Variants in OTOF observed in about 807,000 individuals in gnomAD.
OTOF encodes fer-1-like family member 2.
A neutral mutation model predicts 236.8 loss-of-function variants in OTOF; 218 were observed. That is an observed-to-expected ratio of 0.92 (90% CI 0.82 to 1.03). The LOEUF is 1.03. Ranked by LOEUF, OTOF falls within the 50% of genes least tolerant of loss-of-function variation. The pLI is 0.00. For missense variants in OTOF, 2,590 were observed against 2,694.4 expected (o/e 0.96, Z 0.86); for synonymous variants, 1,041 against 1,072.5 (o/e 0.97, Z 0.57).
intron 1 of OTOF, among the ~76,000 whole-genome samples, chr2:26,546,098 T>C (rs937395212): frequency 2.0e-5 from 3 of 152,164 alleles, no homozygotes. Context: ...ATTTTGTATA[T>C]GTATTATGTA....
In OTOF at chr2:26,464,038, C is replaced by T. The variant is rs372908847; in HGVS notation, c.5029G>A (p.Ala1677Thr). 4.3e-5 allele frequency: 70 copies of T among 1,613,696 alleles called. No homozygotes were observed. The African/African-American group carries it at 6.1e-4, about 14-fold the overall frequency. Reference protein sequence around the residue: ...ALRHWEDIPRAGCRLVPEHVE... With the variant: ...ALRHWEDIPRTGCRLVPEHVE... ...TGCTCTGGCACCAGGCGGCAGCCTG[C>T]GCGGGGGATGTCCTCCCAGTGCCTC... is the stretch of plus-strand genomic sequence containing the variant. The change falls in exon 40 of 47, where the codon GCA becomes ACA. Residue 1677 changes from alanine to threonine, a missense_variant. Ala to Thr is a moderately conservative substitution (Grantham distance 58). Around this residue, in one of 2 missense-constraint regions of OTOF, gnomAD observed 1,211 missense variants for 1,352.8 expected, o/e 0.90. Transcript: ENST00000272371.
intron 14 of OTOF, 32 bp downstream of exon 14, chr2:26,482,373 GC>G (rs1275235539): frequency 1.2e-6 from 2 of 1,602,318 alleles, no homozygotes; most frequent in South Asian, 1.1e-5. Flanking sequence ...CACTCCCTCT[GC>G]CCCCCAGCAC....
rs771316639 is a variant in OTOF at position 26,477,011 on chromosome 2, C to A, written c.2556G>T (p.Trp852Cys). 1.2e-6 allele frequency: 2 copies of A among 1,609,506 alleles called. No homozygotes were observed. The highest frequency in any genetic ancestry group is 1.7e-6 in the Non-Finnish European group (2 of 1,178,490). The change falls in exon 22 of 47, where the codon TGG becomes TGT. Residue 852 changes from tryptophan to cysteine, a missense_variant. By Grantham distance (215) the Trp-to-Cys change is radical. Coordinates refer to ENST00000272371, the MANE Select transcript of OTOF (RefSeq NM_194248.3). This position sits in a 1 kb window ranked among gnomAD's most constrained non-coding sequence, Gnocchi z 4.7. ...CGACACGCTTGTTGTTGCTCATCATCCAGATGAAGATGTCGGGAATGCTGT... is the reference window on the plus strand; with the variant it reads ...CGACACGCTTGTTGTTGCTCATCATACAGATGAAGATGTCGGGAATGCTGT... ...PQHSIPDIFI[W>C]MMSNNKRVAY...
At chr2:26,508,607 A>G (rs941196924) in intron 5 of OTOF, among the ~76,000 whole-genome samples, 17 of 152,262 alleles carry the variant, frequency 1.1e-4, no homozygotes, top group African/African-American at 4.1e-4. Context: ...AGCAAGCAGC[A>G]TCATGGAAGA....
intron 3 of OTOF, among the ~76,000 whole-genome samples, chr2:26,527,427 C>T (rs1307379253): frequency 6.6e-6 from 1 of 152,220 alleles, no homozygotes; most frequent in Non-Finnish European, 1.5e-5. Flanking sequence ...ACTGTCAAGC[C>T]TGCCCTCAGG....
intron 3 of OTOF, among the ~76,000 whole-genome samples, chr2:26,523,877 C>T (rs1558514263): frequency 6.6e-6 from 1 of 152,250 alleles, no homozygotes. Context: ...CATTGCTCCT[C>T]TGGCCTGGCC....
Position 26,476,095 on chromosome 2 carries a change from AGGTGAGG to A in OTOF, c.2866+26_2866+32del. On this transcript the variant is annotated intron_variant, in intron 23 of 46. Coordinates refer to ENST00000272371, the MANE Select transcript of OTOF (RefSeq NM_194248.3). ...TGGGCAGCCCCTCCGGCCCCCTCCC[AGGTGAGG>A]CTTCGAGTGAGGGGTCCTCACTCAC... 1.9e-6 allele frequency: 3 copies of A among 1,611,526 alleles called. No individual in the cohort carries two copies. The Middle Eastern group carries it at 5.0e-4, about 266-fold the overall frequency.
In OTOF at chr2:26,459,406, T is replaced by G. The variant is rs548365521; in HGVS notation, c.*17+602A>C. On this transcript the variant is annotated intron_variant, in intron 46 of 46. Transcript: ENST00000272371. ...TCTCTACTAAAAATACAAAAAATTA[T>G]CCAGGCGTGGTGGCGGGTGCCTGTA... 1.3e-3 allele frequency among the ~76,000 whole-genome samples: 197 copies of G among 151,836 alleles called. 5 individuals are homozygous for G. In the South Asian group the frequency reaches 0.04, roughly 31 times the overall value.
chr2:26,488,034 G>T (rs1214678473), intron 11 of OTOF, among the ~76,000 whole-genome samples: 1 of 152,182 alleles, frequency 6.6e-6, no homozygotes, highest in Admixed American at 6.5e-5. Context: ...CAGGTCTTGG[G>T]CAGCTTGAGT....
rs537668605 is a variant in OTOF at position 26,461,022 on chromosome 2, C to T, written c.5542G>A (p.Glu1848Lys). Reference sequence around the variant, plus strand: ...CGCGGGAACCGGTTCAGGTCCAGCTCGATGGCCCCTGTGGCAACCTCAGTG... The same window carrying T: ...CGCGGGAACCGGTTCAGGTCCAGCTTGATGGCCCCTGTGGCAACCTCAGTG... The part of the protein sequence containing the change: ...FSADDFLGAI[E>K]LDLNRFPRGA... Residue 1848 changes from glutamate (E) to lysine (K), a missense_variant, in exon 44 of 47, where the codon GAG becomes AAG. Glu to Lys is a moderately conservative substitution (Grantham distance 56, BLOSUM62 1). Coordinates refer to ENST00000272371, the MANE Select transcript of OTOF (RefSeq NM_194248.3). This position sits in a 1 kb window ranked among gnomAD's most constrained non-coding sequence, Gnocchi z 6.2. 41 of 1,398,760 alleles carry T rather than the reference C, an allele frequency of 2.9e-5. 1 individual carries two copies. Among genetic ancestry groups the T allele is most frequent in the African/African-American group, 2.8e-4 (18 of 64,990 alleles). 86.6% of individuals were successfully genotyped at this position (1,398,760 alleles called of 1,614,324 possible). A position where few individuals can be genotyped will look rare whatever the true frequency, so the allele number is the denominator to read the frequency against.
At chr2:26,518,957 C>A (rs927213045) in intron 4 of OTOF, 53 bp downstream of exon 4, 9 of 1,259,226 alleles carry the variant, frequency 7.1e-6, no homozygotes, top group Non-Finnish European at 9.2e-6. Context: ...GGAGAACAGA[C>A]CCCCAGATGG....
At chr2:26,458,739 CCTCA>C (rs966417458) in intron 46 of OTOF, among the ~76,000 whole-genome samples, 21 of 152,304 alleles carry the variant, frequency 1.4e-4, no homozygotes, top group African/African-American at 5.1e-4. Flanking sequence ...ACCTGGCCAG[CCTCA>C]CTATCTGTCG....
intron 4 of OTOF, among the ~76,000 whole-genome samples, chr2:26,517,190 TAGCAG>T (rs1666554424): frequency 6.6e-6 from 1 of 152,146 alleles, no homozygotes; most frequent in Non-Finnish European, 1.5e-5. Flanking sequence ...GGCTCAGGCT[TAGCAG>T]TGGAGAGTCA....
chr2:26,502,163 A>C, intron 7 of OTOF, 137 bp downstream of exon 7: 1 of 909,856 alleles, frequency 1.1e-6, no homozygotes, highest in Admixed American at 2.0e-5. Context: ...AAGGAAAAGC[A>C]GAAAAGGGTA....
chr2:26,489,116 C>G (rs553779413), intron 11 of OTOF, 95 bp downstream of exon 11: 1 of 912,690 alleles, frequency 1.1e-6, no homozygotes, highest in African/African-American at 1.6e-5. Context: ...CCTTGCCAGC[C>G]TTTTCCCAGG....
chr2:26,527,596 G>A (rs1465555846), intron 3 of OTOF, among the ~76,000 whole-genome samples: 2 of 152,222 alleles, frequency 1.3e-5, no homozygotes, highest in South Asian at 2.1e-4. Context: ...TGATAGGAGG[G>A]TGGAGTGTTC....
intron 11 of OTOF, among the ~76,000 whole-genome samples, chr2:26,486,875 A>G (rs73920288): frequency 0.013 from 2,021 of 152,272 alleles, 52 homozygotes; most frequent in African/African-American, 0.046. Flanking sequence ...CCAGCCTGAA[A>G]CATCATTTCA....
At chr2:26,505,574 C>T (rs1666228145) in intron 5 of OTOF, among the ~76,000 whole-genome samples, 1 of 152,214 alleles carries the variant, frequency 6.6e-6, no homozygotes, top group South Asian at 2.1e-4. Flanking sequence ...TCTCCTCATT[C>T]AACCAATAAA....
At chr2:26,526,340 T>A (rs1572478209) in intron 3 of OTOF, among the ~76,000 whole-genome samples, 1 of 150,322 alleles carries the variant, frequency 6.7e-6, no homozygotes, top group Non-Finnish European at 1.5e-5. Flanking sequence ...GATAAATGGG[T>A]GGATAAATGA....
Sources: allele counts gnomAD v4.1 joint callset (sites outside exome capture counted in the v4.1 genomes callset), GRCh38; gene constraint gnomAD v4.1.1; regional missense constraint gnomAD v4.1.1; non-coding constraint Gnocchi (gnomAD v3.1); transcripts MANE v1.5; gene names NCBI Gene and HGNC (gene_info 2026-07-23, HGNC 2026-07-21).